ZNF407: variants seen among roughly 807,000 people sequenced by gnomAD.
ZNF407 encodes the protein zinc finger protein 407.
Under a neutral mutation model 131.2 loss-of-function variants are expected in ZNF407, and 17 were observed. That is an observed-to-expected ratio of 0.13 (90% CI 0.09 to 0.19). The LOEUF (loss-of-function observed/expected upper bound fraction) is 0.19. Ranked by LOEUF, ZNF407 falls within the 10% of genes least tolerant of loss-of-function variation. The probability of loss-of-function intolerance (pLI) is 1.00; values close to 1 mark genes in which losing one functional copy is unlikely to be tolerated. For missense variants in ZNF407, 2,681 were observed against 2,830.6 expected (o/e 0.95, Z 1.20); for synonymous variants, 1,156 against 1,062.0 (o/e 1.09, Z -1.72).
At position 74,897,822 on chromosome 18, in the gene ZNF407, A is replaced by G. The variant is rs1568260423; in HGVS notation, c.5249+7784A>G. Among the ~76,000 whole-genome samples, 3 of 152,318 alleles carry G rather than the reference A, an allele frequency of 2.0e-5. No homozygotes were observed. In the South Asian group the frequency reaches 6.2e-4, roughly 32 times the overall value. On this transcript the variant is annotated intron_variant, in intron 7 of 8. Transcript: ENST00000299687. ...TGACAGAAGTCACCTATGCATCCCT[A>G]CAGTGTGGGGTTGGATGTAGACTCA...
chr18:74,719,959 C>T (rs901103340), intron 3 of ZNF407, among the ~76,000 whole-genome samples: 2 of 152,128 alleles, frequency 1.3e-5, no homozygotes, highest in Admixed American at 6.5e-5. Flanking sequence ...GTAAACATGG[C>T]GGTGCTGATG....
In ZNF407 at chr18:74,781,465, C is replaced by T. The variant is rs770173342; in HGVS notation, c.4840C>T (p.Leu1614=). The change falls in exon 4 of 9, where the codon CTA becomes TTA. Residue 1614 remains leucine, a synonymous_variant. Coordinates refer to ENST00000299687, the MANE Select transcript of ZNF407 (RefSeq NM_017757.3). The part of the protein sequence containing the change: ...FVMKKHLNTH[L]LGKHGVGTPK... ...AATGAAGAAGCACTTAAATACTCAT[C>T]TACTAGGCAAGCATGGAGTTGGCAC... is the stretch of plus-strand genomic sequence containing the variant. The T allele has an allele frequency of 6.5e-7, 1 of 1,543,970 alleles. No homozygotes were observed. The highest frequency in any genetic ancestry group is 2.0e-5 in the Admixed American group (1 of 50,046).
chr18:74,935,504 C>T (rs574713556), intron 8 of ZNF407, among the ~76,000 whole-genome samples: 1 of 152,278 alleles, frequency 6.6e-6, no homozygotes, highest in Admixed American at 6.5e-5. Context: ...TAGAATCCCC[C>T]TCATGCACAT....
chr18:74,917,069 G>A (rs1190842517), intron 7 of ZNF407, among the ~76,000 whole-genome samples: 1 of 151,998 alleles, frequency 6.6e-6, no homozygotes, highest in Admixed American at 6.5e-5. Context: ...TTTTTTGTTT[G>A]TTTTTGTTTT....
chr18:74,829,873 T>C (rs192794325), intron 4 of ZNF407, among the ~76,000 whole-genome samples: 1 of 152,302 alleles, frequency 6.6e-6, no homozygotes, highest in Admixed American at 6.5e-5. Context: ...TACATTGTTA[T>C]GGACTCAGTT....
chr18:74,917,740 A>G (rs1971792291), intron 7 of ZNF407, among the ~76,000 whole-genome samples: 1 of 152,194 alleles, frequency 6.6e-6, no homozygotes. Flanking sequence ...CTCCATTTAA[A>G]TATGCATCAT....
intron 3 of ZNF407, among the ~76,000 whole-genome samples, chr18:74,684,669 T>G (rs1470794997): frequency 1.3e-5 from 2 of 152,240 alleles, no homozygotes; most frequent in Non-Finnish European, 2.9e-5. Flanking sequence ...TGGACTTAGT[T>G]TAATCACAGT....
At chr18:74,929,508 T>G (rs1052794574) in intron 8 of ZNF407, among the ~76,000 whole-genome samples, 1 of 152,242 alleles carries the variant, frequency 6.6e-6, no homozygotes, top group Non-Finnish European at 1.5e-5. Flanking sequence ...CGGTATGATT[T>G]TATCAGGTAA....
intron 3 of ZNF407, among the ~76,000 whole-genome samples, chr18:74,685,096 C>T (rs1351661204): frequency 6.6e-6 from 1 of 151,994 alleles, no homozygotes; most frequent in African/African-American, 2.4e-5. Flanking sequence ...TTCTTTTCTT[C>T]ACATTATATA....
intron 7 of ZNF407, among the ~76,000 whole-genome samples, chr18:74,895,551 A>G (rs1450736031): frequency 1.3e-5 from 2 of 152,160 alleles, no homozygotes; most frequent in Non-Finnish European, 2.9e-5. Flanking sequence ...TTTAAGATGC[A>G]ATGACAAAAA....
chr18:74,686,011 C>T (rs759588968), intron 3 of ZNF407, among the ~76,000 whole-genome samples: 14 of 152,156 alleles, frequency 9.2e-5, no homozygotes, highest in South Asian at 2.1e-4. Flanking sequence ...ATATAATCGG[C>T]GCTTAATAAG....
chr18:74,692,638 G>C (rs1967253459), intron 3 of ZNF407, among the ~76,000 whole-genome samples: 1 of 152,110 alleles, frequency 6.6e-6, no homozygotes, highest in African/African-American at 2.4e-5. Flanking sequence ...TTCTCCCCTA[G>C]CGGTAGCTGA....
intron 4 of ZNF407, among the ~76,000 whole-genome samples, chr18:74,844,635 A>G (rs867534059): frequency 3.3e-5 from 5 of 152,274 alleles, no homozygotes; most frequent in South Asian, 2.1e-4. Context: ...TGAAAACACA[A>G]TCTGATGTTT....
chr18:74,634,111 C>T lies in ZNF407; in HGVS notation c.3092C>T (p.Ser1031Phe), dbSNP rs1476051899. ...GAGTTTAGTGCTCACTCCTCTGCTT[C>T]TCTAGAGCTGCATGTAAAACGGAAA... ...HCEFSAHSSA[S>F]LELHVKRKHT... The change falls in exon 2 of 9, where the codon TCT becomes TTT. Residue 1031 changes from serine to phenylalanine, a missense_variant. This residue lies in a region of ZNF407 where 1,789 missense variants were observed against 1,748.7 expected (regional missense o/e 1.02). Transcript: ENST00000299687. The T allele has an allele frequency of 1.2e-6, 2 of 1,613,936 alleles. No homozygotes were observed. The highest frequency in any genetic ancestry group is 1.7e-6 in the Non-Finnish European group (2 of 1,179,908).
rs552443343 is a variant in ZNF407, at chr18:74,634,503, C to T, written c.3484C>T (p.His1162Tyr). 1.2e-6 allele frequency: 2 copies of T among 1,613,828 alleles called. No homozygotes were observed. The highest frequency in any genetic ancestry group is 2.2e-5 in the South Asian group (2 of 91,074). Residue 1162 changes from histidine to tyrosine, a missense_variant, in exon 2 of 9, where the codon CAT (histidine) becomes TAT (tyrosine). His to Tyr is a moderately conservative substitution (Grantham distance 83). This residue lies in a region of ZNF407 where 1,789 missense variants were observed against 1,748.7 expected (regional missense o/e 1.02). Coordinates refer to ENST00000299687, the MANE Select transcript of ZNF407 (RefSeq NM_017757.3). ...TEEESNFNED[H>Y]SFCETFQQAP... Reference sequence around the variant, plus strand: ...AGAAGAATCTAATTTCAATGAAGACCATTCCTTTTGTGAGACTTTCCAACA... The same window carrying T: ...AGAAGAATCTAATTTCAATGAAGACTATTCCTTTTGTGAGACTTTCCAACA...
intron 1 of ZNF407, among the ~76,000 whole-genome samples, chr18:74,612,354 T>A (rs1319754704): frequency 2.0e-5 from 3 of 152,220 alleles, no homozygotes; most frequent in East Asian, 3.9e-4. Flanking sequence ...AAGTATTATC[T>A]GCACTCAGGA....
At chr18:74,953,291 C>T (rs1166513909) in intron 8 of ZNF407, among the ~76,000 whole-genome samples, 2 of 152,154 alleles carry the variant, frequency 1.3e-5, no homozygotes, top group East Asian at 1.9e-4. Flanking sequence ...CCTGTGCTCT[C>T]GTCAGCTTGG....
At chr18:74,769,704 A>G (rs1250367823) in intron 3 of ZNF407, among the ~76,000 whole-genome samples, 2 of 152,214 alleles carry the variant, frequency 1.3e-5, no homozygotes, top group Non-Finnish European at 2.9e-5. Flanking sequence ...AGGTTTTTGC[A>G]TGTGGGATGC....
rs1172890785 is a variant in ZNF407, at chr18:75,021,871, T to C, written c.5429-41279T>C. Among the ~76,000 whole-genome samples, 57 of 152,116 alleles carry C rather than the reference T, an allele frequency of 3.7e-4. 1 individual carries two copies. The highest frequency in any genetic ancestry group is 3.7e-3 in the Admixed American group (57 of 15,288). Reference sequence around the variant, plus strand: ...ATAACTATATAAGCTACATTCTGTATGTCAGAAGTTCCCAGAATAAAAAGG... The same window carrying C: ...ATAACTATATAAGCTACATTCTGTACGTCAGAAGTTCCCAGAATAAAAAGG... On this transcript the variant is annotated intron_variant, in intron 8 of 8. Coordinates refer to ENST00000299687, the MANE Select transcript of ZNF407 (RefSeq NM_017757.3).
Sources: allele counts gnomAD v4.1 joint callset (sites outside exome capture counted in the v4.1 genomes callset), GRCh38; gene constraint gnomAD v4.1.1; regional missense constraint gnomAD v4.1.1; transcripts MANE v1.5; gene names NCBI Gene and HGNC (gene_info 2026-07-23, HGNC 2026-07-21).